ATP8A2: variants seen among roughly 807,000 people sequenced by gnomAD.
ATP8A2 encodes ATPase phospholipid transporting 8A2.
A neutral mutation model predicts 165.6 loss-of-function variants in ATP8A2; 100 were observed. The observed-to-expected ratio is 0.60, with a 90% confidence interval of 0.51 to 0.71. ATP8A2 has a LOEUF of 0.71. ATP8A2 is among the 30% of genes least tolerant of loss of function. The pLI is 0.00. For synonymous variants in ATP8A2, 543 were observed against 548.8 expected, an observed-to-expected ratio of 0.99 and a Z score of 0.15; for missense variants, 1,227 against 1,479.5, an observed-to-expected ratio of 0.83 and a Z score of 2.80.
chr13:25,933,261 G>A (rs190242521), intron 33 of ATP8A2, among the ~76,000 whole-genome samples: 5 of 152,204 alleles, frequency 3.3e-5, no homozygotes, highest in Admixed American at 1.3e-4. Context: ...TTTCTGCCTC[G>A]CTTGGCGGGG....
At chr13:25,869,295 CA>C (rs1952612935) in intron 33 of ATP8A2, among the ~76,000 whole-genome samples, 1 of 152,194 alleles carries the variant, frequency 6.6e-6, no homozygotes, top group Admixed American at 6.5e-5. Context: ...TGCTTAAAAA[CA>C]AAGGAGAAAG....
At chr13:25,430,134 C>T (rs1285733422) in intron 1 of ATP8A2, among the ~76,000 whole-genome samples, 3 of 152,108 alleles carry the variant, frequency 2.0e-5, no homozygotes, top group African/African-American at 7.2e-5. Context: ...GTCAGGACCT[C>T]CAGGTGGGGG....
chr13:25,422,013 G>A (rs1457655752), intron 1 of ATP8A2, among the ~76,000 whole-genome samples: 2 of 152,152 alleles, frequency 1.3e-5, no homozygotes, highest in Non-Finnish European at 2.9e-5. Context: ...AGTCCCACCA[G>A]TTATGAAATG....
intron 1 of ATP8A2, among the ~76,000 whole-genome samples, chr13:25,431,811 G>A (rs1228836157): frequency 1.3e-5 from 2 of 152,084 alleles, no homozygotes; most frequent in African/African-American, 2.4e-5. Flanking sequence ...TCACAAAGGT[G>A]TGCAGCCATC....
At chr13:25,929,921 C>T (rs1954719896) in intron 33 of ATP8A2, among the ~76,000 whole-genome samples, 1 of 152,198 alleles carries the variant, frequency 6.6e-6, no homozygotes, top group South Asian at 2.1e-4. Context: ...TGTCACTGAA[C>T]TTCCCGAACG....
At chr13:25,380,364 A>G (rs910131485) in intron 1 of ATP8A2, among the ~76,000 whole-genome samples, 1 of 152,186 alleles carries the variant, frequency 6.6e-6, no homozygotes, top group Non-Finnish European at 1.5e-5. Context: ...GTTGAAGGTG[A>G]CTTTACAGAT....
chr13:25,648,004 T>TTA (rs2041719220), intron 24 of ATP8A2, among the ~76,000 whole-genome samples: 1 of 152,094 alleles, frequency 6.6e-6, no homozygotes, highest in South Asian at 2.1e-4. Context: ...TTTCTTTAAA[T>TTA]ATGCTTTCTG....
intron 1 of ATP8A2, among the ~76,000 whole-genome samples, chr13:25,405,203 G>A (rs1292286301): frequency 6.6e-6 from 1 of 152,150 alleles, no homozygotes; most frequent in Non-Finnish European, 1.5e-5. Context: ...AGTGCAGAAG[G>A]AGAAGAGGAG....
intron 33 of ATP8A2, among the ~76,000 whole-genome samples, chr13:25,874,083 C>T (rs1219670339): frequency 6.6e-6 from 1 of 152,212 alleles, no homozygotes; most frequent in Non-Finnish European, 1.5e-5. Context: ...CTACCGGAGC[C>T]AGAGTGATCT....
intron 24 of ATP8A2, among the ~76,000 whole-genome samples, chr13:25,641,679 C>G (rs1467874595): frequency 6.6e-6 from 1 of 151,960 alleles, no homozygotes. Flanking sequence ...CCATACTGCT[C>G]AAGGTAATTT....
Position 25,531,137 on chromosome 13 carries a change from G to GTGTATATATGT in ATP8A2, c.420+478_420+479insGTATATATGTT, listed in dbSNP as rs141543699. The stretch of plus-strand genomic sequence containing the variant: ...TCCCCCTATATATTTGTGTGTGTGT[G>GTGTATATATGT]TATATATATGTTATATATATGATAT... On this transcript the variant is annotated intron_variant, in intron 4 of 36. Coordinates refer to ENST00000381655, the MANE Select transcript of ATP8A2 (RefSeq NM_016529.6). Among the ~76,000 whole-genome samples the GTGTATATATGT allele has an allele frequency of 2.2e-4, 30 of 135,524 alleles. 2 individuals are homozygous for GTGTATATATGT. The highest frequency in any genetic ancestry group is 1.1e-3 in the South Asian group (5 of 4,542). The allele number at this position is 135,524 out of a possible 152,430, so 88.9% of individuals were successfully genotyped here.
chr13:25,581,259 C>T (rs2039769256), intron 22 of ATP8A2, among the ~76,000 whole-genome samples: 1 of 152,124 alleles, frequency 6.6e-6, no homozygotes, highest in African/African-American at 2.4e-5. Flanking sequence ...CTGGAGGGAA[C>T]CAAACATCCA....
intron 6 of ATP8A2, chr13:25,534,095 T>C: frequency 2.0e-6 from 1 of 489,490 alleles, no homozygotes; most frequent in South Asian, 1.5e-5. Flanking sequence ...TAAATGCCTC[T>C]TACAGTCTTT....
At chr13:25,541,847 A>G in intron 8 of ATP8A2, 72 bp from the exon 9 acceptor site, 10 of 1,549,710 alleles carry the variant, frequency 6.5e-6, no homozygotes, top group Non-Finnish European at 8.0e-6. Context: ...TTGATTAACC[A>G]TAGGGATGCT....
At chr13:25,738,333 G>GCC (rs775044728) in intron 25 of ATP8A2, among the ~76,000 whole-genome samples, 25 of 43,152 alleles carry the variant, frequency 5.8e-4, no homozygotes, top group South Asian at 2.5e-3. Context: ...TTCTTTTTGT[G>GCC]CCCCCCTCCC....
At chr13:25,565,306 C>T (rs2039279932) in intron 16 of ATP8A2, among the ~76,000 whole-genome samples, 1 of 152,184 alleles carries the variant, frequency 6.6e-6, no homozygotes, top group African/African-American at 2.4e-5. Flanking sequence ...AATCTCTGCA[C>T]TGTTTTCCAT....
At chr13:25,409,400 T>C (rs2033901896) in intron 1 of ATP8A2, among the ~76,000 whole-genome samples, 1 of 152,206 alleles carries the variant, frequency 6.6e-6, no homozygotes, top group Non-Finnish European at 1.5e-5. Flanking sequence ...ATCTAAGATG[T>C]AATATTCCAA....
chr13:25,441,501 C>T (rs2034930554), intron 1 of ATP8A2, among the ~76,000 whole-genome samples: 1 of 152,178 alleles, frequency 6.6e-6, no homozygotes, highest in Admixed American at 6.5e-5. Flanking sequence ...CTGTGAAATA[C>T]TTGACCGTTC....
At chr13:25,658,462 A>C (rs1593151354) in intron 24 of ATP8A2, among the ~76,000 whole-genome samples, 2 of 151,834 alleles carry the variant, frequency 1.3e-5, no homozygotes, top group South Asian at 4.2e-4. Flanking sequence ...ATATGGTGAA[A>C]CCCCCGTCTC....
Sources: gnomAD v4.1 joint callset for allele counts (sites outside exome capture counted in the v4.1 genomes callset) on GRCh38, gnomAD v4.1.1 for gene constraint, MANE v1.5 for transcripts, NCBI Gene and HGNC (gene_info 2026-07-23, HGNC 2026-07-21) for gene names.